GLB1: variants seen among roughly 807,000 people sequenced by gnomAD.
The protein encoded by GLB1 is beta-galactosidase.
In GLB1, 56 loss-of-function variants were observed where a neutral mutation model predicts 74.0. That is an observed-to-expected ratio of 0.76 (90% CI 0.61 to 0.94). GLB1 has a LOEUF of 0.94. GLB1 is among the 40% of genes least tolerant of loss of function. The pLI is 0.00. For missense variants in GLB1, 787 were observed against 845.5 expected (o/e 0.93, Z 0.86); for synonymous variants, 323 against 323.6 (o/e 1.00, Z 0.02).
chr3:33,031,640 AATATATATATATATATAT>A (rs59839075), intron 10 of GLB1, among the ~76,000 whole-genome samples: 20 of 35,776 alleles, frequency 5.6e-4, no homozygotes, highest in African/African-American at 1.3e-3. Flanking sequence ...AAAAAAAAAA[AATATATATATATATATAT>A]ATATATATAT....
downstream of GLB1, among the ~76,000 whole-genome samples, chr3:32,993,290 T>C (rs2125440801): frequency 6.6e-6 from 1 of 152,088 alleles, no homozygotes; most frequent in South Asian, 2.1e-4. Context: ...ATAAAGAAAG[T>C]AGGTAGTGTA....
chr3:33,068,172 C>A, intron 4 of GLB1, 58 bp downstream of exon 4: 6 of 1,611,674 alleles, frequency 3.7e-6, no homozygotes, highest in Non-Finnish European at 5.1e-6. Flanking sequence ...CAGGCGTGAG[C>A]CACCGCACCT....
intron 1 of GLB1, chr3:33,096,596 G>A (rs1421236840): frequency 1.9e-6 from 2 of 1,040,706 alleles, no homozygotes; most frequent in Non-Finnish European, 2.3e-6. Context: ...TCCTTCCGGA[G>A]CGCTCCGCAG....
At chr3:32,966,227 G>A in the GLB1 span, among the ~76,000 whole-genome samples, 1 of 152,240 alleles carries the variant, frequency 6.6e-6, no homozygotes, top group African/African-American at 2.4e-5. Flanking sequence ...CCAGCTGGGA[G>A]CGGGCTATAC....
intron 10 of GLB1, among the ~76,000 whole-genome samples, chr3:33,043,223 C>T (rs11712996): frequency 0.59 from 89,240 of 151,712 alleles, 27,645 homozygotes; most frequent in Admixed American, 0.73. Context: ...TGCCTAAAAA[C>T]GAGCAAAATG....
intron 9 of GLB1, 143 bp downstream of exon 9, chr3:33,051,615 A>AAAAAAT: frequency 8.5e-7 from 1 of 1,176,706 alleles, no homozygotes; most frequent in African/African-American, 1.7e-5. Flanking sequence ...AAAAAAAAAA[A>AAAAAAT]AAAAGAAAAA....
chr3:33,033,484 TA>T (rs1301093096), intron 10 of GLB1, among the ~76,000 whole-genome samples: 1 of 152,064 alleles, frequency 6.6e-6, no homozygotes, highest in Non-Finnish European at 1.5e-5. Context: ...ACATTGTTGC[TA>T]AAAAAGGTGA....
chr3:33,044,552 G>C (rs1408180623), intron 10 of GLB1, among the ~76,000 whole-genome samples: 4 of 152,106 alleles, frequency 2.6e-5, no homozygotes, highest in African/African-American at 9.7e-5. Context: ...GAGAGCTTGG[G>C]AGACATTACT....
At position 33,022,624 on chromosome 3, in the gene GLB1, T is replaced by A. The variant is rs185103598; in HGVS notation, c.1144-969A>T. The stretch of plus-strand genomic sequence containing the variant: ...TGTCACCCAGGCTGGTAGGCTGGAG[T>A]GCAGTGGCGTAATCTTGGCTCACTG... On this transcript the variant is annotated intron_variant, in intron 11 of 15. Coordinates refer to ENST00000307363, the MANE Select transcript of GLB1 (RefSeq NM_000404.4). Among the ~76,000 whole-genome samples, 22 of 132,488 alleles carry A rather than the reference T, an allele frequency of 1.7e-4. No individual in the cohort carries two copies. The East Asian group carries it at 5.0e-3, about 30-fold the overall frequency. The allele number at this position is 132,488 out of a possible 152,430, so 86.9% of individuals were successfully genotyped here.
At chr3:33,053,615 C>G in intron 6 of GLB1, 66 bp from the exon 7 acceptor site, 1 of 1,606,302 alleles carries the variant, frequency 6.2e-7, no homozygotes, top group African/African-American at 1.3e-5. Context: ...ATAACAAGAG[C>G]CCTTCATGGG....
intron 10 of GLB1, among the ~76,000 whole-genome samples, chr3:33,026,795 C>T (rs1697781328): frequency 6.6e-6 from 1 of 152,128 alleles, no homozygotes; most frequent in South Asian, 2.1e-4. Context: ...CAGAGAGGCA[C>T]TACCCTCTCT....
intron 10 of GLB1, 158 bp from the exon 11 acceptor site, chr3:33,024,483 G>C (rs1697646565): frequency 2.6e-6 from 2 of 755,920 alleles, no homozygotes; most frequent in African/African-American, 3.5e-5. Flanking sequence ...TCCAAAGCAG[G>C]ATCTGGTAAA....
intron 12 of GLB1, among the ~76,000 whole-genome samples, chr3:33,020,974 T>C (rs957452800): frequency 4.6e-5 from 7 of 152,050 alleles, no homozygotes; most frequent in African/African-American, 1.2e-4. Context: ...GTGTTTATTG[T>C]ACTATTCTTG....
downstream of GLB1, among the ~76,000 whole-genome samples, chr3:32,992,746 C>A (rs558687178): frequency 7.2e-5 from 11 of 152,290 alleles, no homozygotes; most frequent in South Asian, 1.9e-3. Flanking sequence ...CCTGCTCACA[C>A]GTGGGAAAGC....
the GLB1 span, among the ~76,000 whole-genome samples, chr3:32,985,970 C>T: frequency 6.6e-6 from 1 of 152,200 alleles, no homozygotes. Context: ...CATTTTCCTC[C>T]CAAAGTGCTG....
At chr3:33,015,342 T>C (rs1697197595) in intron 14 of GLB1, among the ~76,000 whole-genome samples, 1 of 152,082 alleles carries the variant, frequency 6.6e-6, no homozygotes, top group Admixed American at 6.6e-5. Context: ...TGAGATAACA[T>C]ACATGAGAAT....
intron 10 of GLB1, chr3:33,045,761 C>T: frequency 8.5e-7 from 1 of 1,170,394 alleles, no homozygotes; most frequent in Non-Finnish European, 1.1e-6. Flanking sequence ...CCCTACCTCT[C>T]ACCTGAACTT....
chr3:32,984,432 A>G, the GLB1 span, among the ~76,000 whole-genome samples: 3 of 152,244 alleles, frequency 2.0e-5, no homozygotes, highest in East Asian at 5.8e-4. Flanking sequence ...AACTTTGGTA[A>G]ACCCTTCCAA....
chr3:32,985,865 C>A, the GLB1 span, among the ~76,000 whole-genome samples: 1 of 152,070 alleles, frequency 6.6e-6, no homozygotes, highest in African/African-American at 2.4e-5. Flanking sequence ...CATGCAACAC[C>A]ATGTCTGGCT....
Sources: allele counts gnomAD v4.1 joint callset (sites outside exome capture counted in the v4.1 genomes callset), GRCh38; gene constraint gnomAD v4.1.1; transcripts MANE v1.5; gene names NCBI Gene and HGNC (gene_info 2026-07-23, HGNC 2026-07-21).